PDZK1: variants seen among roughly 807,000 people sequenced by gnomAD.
PDZK1 encodes Na(+)/H(+) exchange regulatory cofactor NHE-RF3.
Under a neutral mutation model 38.1 loss-of-function variants are expected in PDZK1, and 23 were observed. That is an observed-to-expected ratio of 0.60 (90% CI 0.43 to 0.85). The LOEUF (loss-of-function observed/expected upper bound fraction) is 0.85. Among genes scored for constraint, PDZK1 ranks in the 40% least tolerant of loss-of-function variants. The probability of loss-of-function intolerance (pLI) is 0.00; values close to 1 mark genes in which losing one functional copy is unlikely to be tolerated. For missense variants in PDZK1, 297 were observed against 504.3 expected (o/e 0.59, Z 3.94); for synonymous variants, 98 against 186.2 (o/e 0.53, Z 3.86).
At chr1:145,694,914 A>AAAAAAAAGG (rs1655536796) in intron 1 of PDZK1, among the ~76,000 whole-genome samples, 1 of 149,680 alleles carries the variant, frequency 6.7e-6, no homozygotes, top group African/African-American at 2.5e-5. Flanking sequence ...AAAAAAAAAA[A>AAAAAAAAGG]AAAAAAGGAA....
At chr1:145,704,315 C>A in intron 1 of PDZK1, among the ~76,000 whole-genome samples, 2 of 152,332 alleles carry the variant, frequency 1.3e-5, no homozygotes, top group South Asian at 4.1e-4. Flanking sequence ...TCCAACCAGG[C>A]TTGGCACCTC....
intron 1 of PDZK1, among the ~76,000 whole-genome samples, chr1:145,697,098 C>T (rs961955269): frequency 2.6e-5 from 4 of 152,090 alleles, no homozygotes; most frequent in East Asian, 3.9e-4. Flanking sequence ...GAGGCCGAGG[C>T]GGGTAGATCA....
chr1:145,679,402 C>T (rs1439896049), intron 5 of PDZK1, among the ~76,000 whole-genome samples: 13 of 152,270 alleles, frequency 8.5e-5, no homozygotes, highest in Middle Eastern at 3.4e-3. Flanking sequence ...CATATCTAGA[C>T]GATTGCTAAG....
intron 3 of PDZK1, among the ~76,000 whole-genome samples, chr1:145,683,030 C>T (rs1479658276): frequency 6.6e-6 from 1 of 152,204 alleles, no homozygotes; most frequent in Non-Finnish European, 1.5e-5. Flanking sequence ...CTGCCTTGTC[C>T]TTTGGTTTCT....
intron 6 of PDZK1, chr1:145,676,030 T>G: frequency 2.2e-5 from 4 of 184,826 alleles, no homozygotes; most frequent in Non-Finnish European, 4.0e-5. Context: ...AAAAAAAAAA[T>G]GAGATTTTAT....
intron 6 of PDZK1, chr1:145,674,444 C>T (rs1220978513): frequency 7.6e-6 from 2 of 262,382 alleles, no homozygotes; most frequent in East Asian, 1.8e-4. Context: ...TGGTGTGTGT[C>T]TGTGAAGGTG....
chr1:145,697,138 G>C (rs2101926177), intron 1 of PDZK1, among the ~76,000 whole-genome samples: 1 of 152,238 alleles, frequency 6.6e-6, no homozygotes, highest in African/African-American at 2.4e-5. Context: ...GACCAGCCTG[G>C]CCAACTGGTG....
rs1422963321 is a variant in PDZK1 at position 145,684,293 on chromosome 1, C to T, written c.461-1657G>A. 3.3e-5 allele frequency among the ~76,000 whole-genome samples: 5 copies of T among 150,530 alleles called. No homozygotes were observed. In the East Asian group the frequency reaches 7.8e-4, roughly 24 times the overall value. On this transcript the variant is annotated intron_variant, in intron 3 of 8. Coordinates refer to ENST00000417171, the MANE Select transcript of PDZK1 (RefSeq NM_001201325.2). The stretch of plus-strand genomic sequence containing the variant: ...GCGCAATCTGAGCTCACTGCAACCT[C>T]CGCCTCCCGGGTTCACACCATTCTC...
intron 1 of PDZK1, among the ~76,000 whole-genome samples, chr1:145,688,388 A>G (rs1654978854): frequency 6.6e-6 from 1 of 152,200 alleles, no homozygotes; most frequent in Admixed American, 6.5e-5. Flanking sequence ...CAAACATTTG[A>G]AGAGCTTTTC....
At chr1:145,698,883 A>G (rs1169875830) in intron 1 of PDZK1, among the ~76,000 whole-genome samples, 1 of 151,894 alleles carries the variant, frequency 6.6e-6, no homozygotes, top group African/African-American at 2.4e-5. Flanking sequence ...AGGCTGCAGT[A>G]AGCCAAGATT....
chr1:145,678,209 C>T (rs1653902150), intron 6 of PDZK1, among the ~76,000 whole-genome samples: 1 of 52,772 alleles, frequency 1.9e-5, no homozygotes, highest in East Asian at 4.7e-4. Context: ...CAAGAGTAAG[C>T]CTGCAGTTAT....
At chr1:145,693,379 A>G (rs1476298201) in intron 1 of PDZK1, among the ~76,000 whole-genome samples, 1 of 152,138 alleles carries the variant, frequency 6.6e-6, no homozygotes, top group Non-Finnish European at 1.5e-5. Flanking sequence ...CCTCAGAATC[A>G]CCTGTAGAGA....
rs1185645936 is a variant in PDZK1 at position 145,686,081 on chromosome 1, A to G, written c.460+396T>C. ...AAAAAAAAGATACCAATCTTACTCA[A>G]AAATAGCTATTATGAAGAATCTCAT... is the stretch of plus-strand genomic sequence containing the variant. On this transcript the variant is annotated intron_variant, in intron 3 of 8. Coordinates refer to ENST00000417171, the MANE Select transcript of PDZK1 (RefSeq NM_001201325.2). 5.9e-5 allele frequency among the ~76,000 whole-genome samples: 9 copies of G among 152,258 alleles called. No individual in the cohort carries two copies. The East Asian group carries it at 1.2e-3, about 20-fold the overall frequency.
chr1:145,702,874 C>A (rs1424471342), intron 1 of PDZK1, among the ~76,000 whole-genome samples: 1 of 152,156 alleles, frequency 6.6e-6, no homozygotes, highest in Non-Finnish European at 1.5e-5. Context: ...GCCTGGGCAA[C>A]AGAGCAAGAC....
At chr1:145,694,845 T>G (rs1469578306) in intron 1 of PDZK1, among the ~76,000 whole-genome samples, 2 of 125,684 alleles carry the variant, frequency 1.6e-5, no homozygotes, top group Non-Finnish European at 3.1e-5. Flanking sequence ...TACAGTGTGC[T>G]GAGATCGCGC....
intron 1 of PDZK1, among the ~76,000 whole-genome samples, chr1:145,699,288 C>T (rs1413315648): frequency 6.6e-6 from 1 of 151,746 alleles, no homozygotes; most frequent in Non-Finnish European, 1.5e-5. Context: ...CGTGGTTGTG[C>T]GTGCCTGTAA....
At chr1:145,703,989 C>A (rs183541127) in intron 1 of PDZK1, among the ~76,000 whole-genome samples, 1 of 152,070 alleles carries the variant, frequency 6.6e-6, no homozygotes, top group Non-Finnish European at 1.5e-5. Flanking sequence ...CCACCACACC[C>A]GGCTACTTTT....
At chr1:145,679,366 C>T (rs1218769327) in intron 5 of PDZK1, among the ~76,000 whole-genome samples, 2 of 152,134 alleles carry the variant, frequency 1.3e-5, no homozygotes, top group Admixed American at 6.5e-5. Context: ...CACTTGGCAA[C>T]TGATTCTTCC....
intron 1 of PDZK1, among the ~76,000 whole-genome samples, chr1:145,702,851 C>A (rs1032612684): frequency 6.6e-6 from 1 of 152,272 alleles, no homozygotes; most frequent in African/African-American, 2.4e-5. Context: ...CAAGATCGTG[C>A]CACTGCACCC....
Sources: allele counts gnomAD v4.1 joint callset (sites outside exome capture counted in the v4.1 genomes callset), GRCh38; gene constraint gnomAD v4.1.1; transcripts MANE v1.5; gene names NCBI Gene and HGNC (gene_info 2026-07-23, HGNC 2026-07-21).